The following CHRNA7 variants were observed in gnomAD, a reference collection of about 807,000 sequenced individuals.
The protein encoded by CHRNA7 is neuronal acetylcholine receptor subunit alpha-7.
Under a neutral mutation model 48.0 loss-of-function variants are expected in CHRNA7, and 17 were observed. That is an observed-to-expected ratio of 0.35 (90% confidence interval 0.24 to 0.53). CHRNA7 has a LOEUF of 0.53. Ranked by LOEUF, CHRNA7 falls within the 20% of genes least tolerant of loss-of-function variation. The pLI, the probability that CHRNA7 is intolerant of heterozygous loss-of-function variation, is 0.92. For synonymous variants in CHRNA7, 75 were observed against 242.3 expected (o/e 0.31, Z 6.41); for missense variants, 155 against 577.7 (o/e 0.27, Z 7.50).
chr15:32,040,715 A>C (rs1595374635), intron 2 of CHRNA7, among the ~76,000 whole-genome samples: 1 of 152,040 alleles, frequency 6.6e-6, no homozygotes, highest in Non-Finnish European at 1.5e-5. Flanking sequence ...CTGTTAGATA[A>C]ATTAATAAGA....
At chr15:32,114,062 A>ATT (rs2050820245) in intron 4 of CHRNA7, among the ~76,000 whole-genome samples, 1 of 6,386 alleles carries the variant, frequency 1.6e-4, no homozygotes, top group Non-Finnish European at 3.1e-3. Flanking sequence ...ATATATATAC[A>ATT]TATATATATA....
At chr15:32,037,215 T>C (rs1902135266) in intron 2 of CHRNA7, among the ~76,000 whole-genome samples, 1 of 152,212 alleles carries the variant, frequency 6.6e-6, no homozygotes, top group East Asian at 1.9e-4. Flanking sequence ...TGCCTTTGCA[T>C]CTTTGTCAAA....
chr15:32,047,555 C>A (rs1251316846), intron 2 of CHRNA7, among the ~76,000 whole-genome samples: 2 of 152,160 alleles, frequency 1.3e-5, no homozygotes, highest in Non-Finnish European at 2.9e-5. Flanking sequence ...TGCTTATCAG[C>A]TTCAGGAGAT....
At chr15:32,072,461 C>T (rs552528439) in intron 2 of CHRNA7, among the ~76,000 whole-genome samples, 1 of 152,298 alleles carries the variant, frequency 6.6e-6, no homozygotes, top group South Asian at 2.1e-4. Context: ...CAGGAGAGGA[C>T]TACAAGCACT....
At chr15:32,033,124 C>T (rs1901923979) in intron 2 of CHRNA7, among the ~76,000 whole-genome samples, 1 of 152,184 alleles carries the variant, frequency 6.6e-6, no homozygotes, top group Admixed American at 6.5e-5. Context: ...TTATCTCTCA[C>T]CTTAGCCGTG....
At chr15:32,086,771 C>G (rs2050304228) in intron 2 of CHRNA7, among the ~76,000 whole-genome samples, 1 of 152,108 alleles carries the variant, frequency 6.6e-6, no homozygotes, top group South Asian at 2.1e-4. Context: ...TGTAACATGT[C>G]TCTTCATTGG....
Position 32,117,194 on chromosome 15 carries a change from G to A in CHRNA7, c.350+5295G>A, listed in dbSNP as rs143658637. ...AGCATTGAAAAGCAAATCATACTGC[G>A]GGCAAACAGAGCCCATTCCTACTGG... On this transcript the variant is annotated intron_variant, in intron 4 of 9. Transcript: ENST00000306901. Among the ~76,000 whole-genome samples the A allele has an allele frequency of 7.7e-4, 118 of 152,266 alleles. 2 individuals are homozygous for A. In the East Asian group the frequency reaches 0.018, roughly 24 times the overall value.
intron 4 of CHRNA7, among the ~76,000 whole-genome samples, chr15:32,143,897 T>G (rs1168176369): frequency 6.6e-6 from 1 of 152,230 alleles, no homozygotes; most frequent in Non-Finnish European, 1.5e-5. Flanking sequence ...GTCTTTTAAT[T>G]GGGGCATTTA....
intron 3 of CHRNA7, 33 bp from the exon 4 acceptor site, chr15:32,111,757 G>T (rs199822557): frequency 4.6e-6 from 6 of 1,303,406 alleles, no homozygotes; most frequent in Admixed American, 1.8e-5. Context: ...AGCCAAGGAA[G>T]TGAAGTGCTG....
rs1193677945 is a variant in CHRNA7, at chr15:32,149,633, C to G, written c.351-4274C>G. Among the ~76,000 whole-genome samples, 1 of 152,102 alleles carries G rather than the reference C, an allele frequency of 6.6e-6. No homozygotes were observed. Among genetic ancestry groups the G allele is most frequent in the Non-Finnish European group, 1.5e-5 (1 of 68,028 alleles). On this transcript the variant is annotated intron_variant, in intron 4 of 9. Transcript: ENST00000306901. This position sits in a 1 kb window ranked among gnomAD's most constrained non-coding sequence, Gnocchi z 4.6. ...CCTATGGGAAAGAAGCGTAAAACTA[C>G]CATCATGGGTATTAAGATTTGGATT... is the stretch of plus-strand genomic sequence containing the variant.
intron 2 of CHRNA7, among the ~76,000 whole-genome samples, chr15:32,070,393 C>G (rs2141217134): frequency 6.6e-6 from 1 of 152,036 alleles, no homozygotes; most frequent in East Asian, 1.9e-4. Flanking sequence ...AGTACTTTGT[C>G]AGATATGTGG....
chr15:32,131,784 C>G lies in CHRNA7; in HGVS notation c.350+19885C>G, dbSNP rs139376512. Among the ~76,000 whole-genome samples, 21 of 152,218 alleles carry G rather than the reference C, an allele frequency of 1.4e-4. No individual in the cohort carries two copies. In the East Asian group the frequency reaches 3.1e-3, roughly 22 times the overall value. On this transcript the variant is annotated intron_variant, in intron 4 of 9. Transcript: ENST00000306901. ...ATTTTGGGTATTATTGTTTGAGACT[C>G]CAAGTCTTATTTCAGTGTTCCTTTT...
chr15:32,034,533 G>T (rs931443946), intron 2 of CHRNA7, among the ~76,000 whole-genome samples: 1 of 152,126 alleles, frequency 6.6e-6, no homozygotes, highest in Non-Finnish European at 1.5e-5. Context: ...CAGTAAGGTT[G>T]CAGTGTGTGA....
intron 4 of CHRNA7, among the ~76,000 whole-genome samples, chr15:32,122,195 G>T (rs901631270): frequency 6.6e-6 from 1 of 152,204 alleles, no homozygotes; most frequent in Non-Finnish European, 1.5e-5. Flanking sequence ...GACTAGTGGG[G>T]CCACTACCCT....
intron 4 of CHRNA7, among the ~76,000 whole-genome samples, chr15:32,143,320 C>G (rs1056818498): frequency 2.6e-5 from 4 of 152,040 alleles, no homozygotes; most frequent in African/African-American, 9.7e-5. Context: ...TTACATTTGC[C>G]GAGGAGTGTT....
chr15:32,127,214 C>G (rs899709306), intron 4 of CHRNA7, among the ~76,000 whole-genome samples: 16 of 152,050 alleles, frequency 1.1e-4, no homozygotes, highest in African/African-American at 3.9e-4. Context: ...ACTATTAATC[C>G]ATTAACAGAT....
intron 3 of CHRNA7, among the ~76,000 whole-genome samples, chr15:32,110,364 T>C (rs2050743199): frequency 6.6e-6 from 1 of 152,166 alleles, no homozygotes; most frequent in Non-Finnish European, 1.5e-5. Flanking sequence ...CCCCAACCAC[T>C]TCCATCTCAT....
intron 2 of CHRNA7, among the ~76,000 whole-genome samples, chr15:32,064,731 A>C (rs145104782): frequency 6.6e-6 from 1 of 152,116 alleles, no homozygotes; most frequent in Non-Finnish European, 1.5e-5. Context: ...CTGGAAACCA[A>C]AACAAGGGAG....
At chr15:32,050,239 G>A (rs1298842908) in intron 2 of CHRNA7, among the ~76,000 whole-genome samples, 1 of 152,214 alleles carries the variant, frequency 6.6e-6, no homozygotes. Context: ...CCTGCAGAGT[G>A]TTTTCCAACT....
Sources: gnomAD v4.1 joint callset for allele counts (sites outside exome capture counted in the v4.1 genomes callset) on GRCh38, gnomAD v4.1.1 for gene constraint, Gnocchi (gnomAD v3.1) non-coding constraint, MANE v1.5 for transcripts, NCBI Gene and HGNC (gene_info 2026-07-23, HGNC 2026-07-21) for gene names.